THBS2: variants seen among roughly 807,000 people sequenced by gnomAD.
THBS2 encodes thrombospondin 2, also known as thrombospondin-2.
In THBS2, 47 loss-of-function variants were observed where a neutral mutation model predicts 135.2. That is an observed-to-expected ratio of 0.35 (90% CI 0.28 to 0.44). THBS2 has a LOEUF of 0.44. Ranked by LOEUF, THBS2 falls within the 20% of genes least tolerant of loss-of-function variation. The pLI is 1.00. For synonymous variants in THBS2, 639 were observed against 633.8 expected, an observed-to-expected ratio of 1.01 and a Z score of -0.12; for missense variants, 1,288 against 1,603.1, an observed-to-expected ratio of 0.80 and a Z score of 3.36.
At chr6:169,251,636 T>A (rs567871291) in intron 1 of THBS2, among the ~76,000 whole-genome samples, 1 of 152,330 alleles carries the variant, frequency 6.6e-6, no homozygotes, top group African/African-American at 2.4e-5. Flanking sequence ...AAGGGAAGAC[T>A]GAGACCCCAA....
intron 4 of THBS2, among the ~76,000 whole-genome samples, chr6:169,242,261 C>T (rs543161156): frequency 5.3e-5 from 8 of 152,166 alleles, no homozygotes; most frequent in East Asian, 1.9e-4. Flanking sequence ...AGTGGGGAGA[C>T]GCATCAGCAT....
At chr6:169,237,582 C>T in intron 8 of THBS2, 43 bp downstream of exon 8, 1 of 1,608,006 alleles carries the variant, frequency 6.2e-7, no homozygotes, top group Non-Finnish European at 8.5e-7. Flanking sequence ...GAAACGCGGC[C>T]CCACCCCCAC....
At chr6:169,250,111 C>G (rs1439437355) in intron 2 of THBS2, among the ~76,000 whole-genome samples, 1 of 151,840 alleles carries the variant, frequency 6.6e-6, no homozygotes, top group Non-Finnish European at 1.5e-5. Flanking sequence ...CAAATTAGAA[C>G]AGGATAATAC....
rs1389053610 is a variant in THBS2, at chr6:169,252,957, C to T, written c.-23+767G>A. ...AGCAGTCTGATTAAACACCAGACTC[C>T]TGGGTGCTCAGCTCCCAGTCCTGGG... is the stretch of plus-strand genomic sequence containing the variant. On this transcript the variant is annotated intron_variant, in intron 1 of 21. Coordinates refer to ENST00000617924, the MANE Select transcript of THBS2 (RefSeq NM_003247.5). This position sits in a 1 kb window ranked among gnomAD's most constrained non-coding sequence, Gnocchi z 4.3. Among the ~76,000 whole-genome samples, 1 of 152,216 alleles carries T rather than the reference C, an allele frequency of 6.6e-6. No homozygotes were observed. Among genetic ancestry groups the T allele is most frequent in the Non-Finnish European group, 1.5e-5 (1 of 68,034 alleles).
chr6:169,227,109 G>A (rs1458114455), intron 15 of THBS2, among the ~76,000 whole-genome samples: 4 of 152,202 alleles, frequency 2.6e-5, no homozygotes, highest in Non-Finnish European at 5.9e-5. Flanking sequence ...GCAGAAATCA[G>A]TGGAAAAGAT....
At position 169,217,773 on chromosome 6, in the gene THBS2, A is replaced by G. The variant is rs1779227422; in HGVS notation, c.*49T>C. On this transcript the variant is annotated 3_prime_UTR_variant, in exon 22 of 22. Coordinates refer to ENST00000617924, the MANE Select transcript of THBS2 (RefSeq NM_003247.5). ...AGGACCACAATGAACTGAGGTGTCT[A>G]GGGACCATGGCATGCACAGGGCATT... The G allele has an allele frequency of 1.9e-6, 3 of 1,605,900 alleles. No individual in the cohort carries two copies. The highest frequency in any genetic ancestry group is 1.3e-5 in the African/African-American group (1 of 74,590).
At chr6:169,253,436 G>C (rs1332265800) in intron 1 of THBS2, among the ~76,000 whole-genome samples, 3 of 152,184 alleles carry the variant, frequency 2.0e-5, no homozygotes, top group African/African-American at 4.8e-5. Flanking sequence ...TATATACATT[G>C]AAATAGCAGC....
At chr6:169,240,738 G>C in intron 5 of THBS2, 146 bp from the exon 6 acceptor site, 1 of 1,093,262 alleles carries the variant, frequency 9.1e-7, no homozygotes, top group East Asian at 2.6e-5. Flanking sequence ...GGAAGTTCCG[G>C]AAGTTGTCCT....
intron 1 of THBS2, 105 bp from the exon 2 acceptor site, chr6:169,250,911 A>C (rs1395577273): frequency 1.5e-6 from 1 of 662,024 alleles, no homozygotes; most frequent in Non-Finnish European, 2.4e-6. Flanking sequence ...AACAGTTTGC[A>C]TATAAAACTC....
intron 6 of THBS2, 92 bp from the exon 7 acceptor site, chr6:169,239,787 C>T (rs1780228094): frequency 1.0e-6 from 1 of 966,242 alleles, no homozygotes; most frequent in African/African-American, 1.6e-5. Flanking sequence ...GACAGAATGG[C>T]TGAATGTTTT....
rs1368674076 is a variant in THBS2, at chr6:169,240,612, A to G, written c.892-20T>C. On this transcript the variant is annotated intron_variant, in intron 5 of 21. Coordinates refer to ENST00000617924, the MANE Select transcript of THBS2 (RefSeq NM_003247.5). Reference sequence around the variant, plus strand: ...ATTCGACTGGAAAATCAAGTGAAACATTTAAGTGTAGACAATAATACTACA... The same window carrying G: ...ATTCGACTGGAAAATCAAGTGAAACGTTTAAGTGTAGACAATAATACTACA... 8 of 1,613,042 alleles carry G rather than the reference A, an allele frequency of 5.0e-6. No individual in the cohort carries two copies. The highest frequency in any genetic ancestry group is 6.8e-6 in the Non-Finnish European group (8 of 1,179,296).
Position 169,241,400 on chromosome 6 carries a change from GGT to G in THBS2, c.891+360_891+361del, listed in dbSNP as rs372025449. Reference sequence around the variant, plus strand: ...TGAAATAAAATTATTTTCCTCTGCAGGTGTGTGTGTGTGTGTATGTGTGTGTA... The same window carrying G: ...TGAAATAAAATTATTTTCCTCTGCAGGTGTGTGTGTGTGTATGTGTGTGTA... On this transcript the variant is annotated intron_variant, in intron 5 of 21. Coordinates refer to ENST00000617924, the MANE Select transcript of THBS2 (RefSeq NM_003247.5). The surrounding 1 kb of genome is among the most constrained non-coding windows in gnomAD (Gnocchi z 5.5). Among the ~76,000 whole-genome samples the G allele has an allele frequency of 1.3e-4, 20 of 150,888 alleles. No individual in the cohort carries two copies. Among genetic ancestry groups the G allele is most frequent in the African/African-American group, 2.7e-4 (11 of 40,904 alleles).
At chr6:169,240,734 T>C (rs1780260283) in intron 5 of THBS2, 142 bp from the exon 6 acceptor site, 12 of 1,138,338 alleles carry the variant, frequency 1.1e-5, no homozygotes, top group Non-Finnish European at 1.3e-5. Context: ...GGGTGGAAGT[T>C]CCGGAAGTTG....
intron 10 of THBS2, 99 bp from the exon 11 acceptor site, chr6:169,233,116 C>T (rs925731361): frequency 2.1e-6 from 3 of 1,411,972 alleles, no homozygotes; most frequent in Non-Finnish European, 2.8e-6. Flanking sequence ...ATGTCTTTGT[C>T]ATCGAATTGT....
chr6:169,231,769 GGGC>G (rs1374618471), intron 13 of THBS2, among the ~76,000 whole-genome samples: 2 of 152,200 alleles, frequency 1.3e-5, no homozygotes, highest in African/African-American at 4.8e-5. Flanking sequence ...GCCCAGCAGT[GGGC>G]GGCGCCAGAG....
At position 169,243,196 on chromosome 6, in the gene THBS2, CTTCCCACCACTCCCACCTTTCCACA is replaced by C. The variant is rs1182396165; in HGVS notation, c.695-1263_695-1239del. ...TCTCCCACCTTCCCACCTCTCCCAC[CTTCCCACCACTCCCACCTTTCCACA>C]TTCCCACCACTCCCTCTGAAGCCCT... is the stretch of plus-strand genomic sequence containing the variant. On this transcript the variant is annotated intron_variant, in intron 4 of 21. Transcript: ENST00000617924. 2.6e-5 allele frequency among the ~76,000 whole-genome samples: 4 copies of C among 151,500 alleles called. No individual in the cohort carries two copies. The South Asian group carries it at 6.3e-4, about 24-fold the overall frequency.
intron 5 of THBS2, 94 bp from the exon 6 acceptor site, chr6:169,240,686 A>G (rs1780259007): frequency 2.7e-6 from 4 of 1,464,244 alleles, no homozygotes; most frequent in African/African-American, 2.8e-5. Context: ...CTCCTTCATT[A>G]AAAAGCTCTA....
At position 169,252,939 on chromosome 6, in the gene THBS2, T is replaced by C. The variant is rs968992615; in HGVS notation, c.-23+785A>G. On this transcript the variant is annotated intron_variant, in intron 1 of 21. Coordinates refer to ENST00000617924, the MANE Select transcript of THBS2 (RefSeq NM_003247.5). The surrounding 1 kb of genome is among the most constrained non-coding windows in gnomAD (Gnocchi z 4.3). ...CGGCCGTCCACCACCAACAGCAGTC[T>C]GATTAAACACCAGACTCCTGGGTGC... Among the ~76,000 whole-genome samples, 14 of 152,228 alleles carry C rather than the reference T, an allele frequency of 9.2e-5. No homozygotes were observed. Among genetic ancestry groups the C allele is most frequent in the African/African-American group, 3.4e-4 (14 of 41,466 alleles).
At chr6:169,248,385 C>T (rs1393950437) in intron 3 of THBS2, 32 bp downstream of exon 3, 2 of 1,569,880 alleles carry the variant, frequency 1.3e-6, no homozygotes, top group Non-Finnish European at 8.7e-7. Context: ...CTCTTTCCTC[C>T]CTCACGGCGG....
Sources: allele counts gnomAD v4.1 joint callset (sites outside exome capture counted in the v4.1 genomes callset), GRCh38; gene constraint gnomAD v4.1.1; non-coding constraint Gnocchi (gnomAD v3.1); transcripts MANE v1.5; gene names NCBI Gene and HGNC (gene_info 2026-07-23, HGNC 2026-07-21).